The following ITSN1 variants were observed in gnomAD, a reference collection of about 807,000 sequenced individuals.
The protein encoded by ITSN1 is intersectin-1.
Under a neutral mutation model 239.8 loss-of-function variants are expected in ITSN1, and 58 were observed. The observed-to-expected ratio is 0.24, with a 90% CI of 0.20 to 0.30. The LOEUF is 0.30. ITSN1 is among the 10% of genes least tolerant of loss of function. ITSN1 has a pLI of 1.00. For missense variants in ITSN1, 1,558 were observed against 2,103.3 expected, an observed-to-expected ratio of 0.74 and a Z score of 5.07; for synonymous variants, 780 against 770.8, an observed-to-expected ratio of 1.01 and a Z score of -0.20.
At chr21:33,655,055 GTTA>G (rs2088921896) in intron 1 of ITSN1, among the ~76,000 whole-genome samples, 1 of 146,958 alleles carries the variant, frequency 6.8e-6, no homozygotes, top group Non-Finnish European at 1.5e-5. Flanking sequence ...TTGTGAATTT[GTTA>G]TTATTTTCTC....
intron 1 of ITSN1, among the ~76,000 whole-genome samples, chr21:33,670,540 A>G (rs987613104): frequency 6.6e-6 from 1 of 151,874 alleles, no homozygotes; most frequent in East Asian, 1.9e-4. Flanking sequence ...GCCATCGTTC[A>G]CTTATGTGTT....
intron 16 of ITSN1, among the ~76,000 whole-genome samples, chr21:33,791,509 T>C (rs1225176832): frequency 2.0e-5 from 3 of 152,358 alleles, no homozygotes; most frequent in East Asian, 3.8e-4. Flanking sequence ...TTAAAAATTA[T>C]TTTTGAAACT....
At chr21:33,667,547 C>T (rs556024394) in intron 1 of ITSN1, among the ~76,000 whole-genome samples, 2 of 152,120 alleles carry the variant, frequency 1.3e-5, no homozygotes, top group South Asian at 2.1e-4. Context: ...TTTTGGGATG[C>T]GGTAGGTTTC....
intron 7 of ITSN1, among the ~76,000 whole-genome samples, 158 bp downstream of exon 7, chr21:33,752,064 T>G (rs2067591567): frequency 6.6e-6 from 1 of 152,132 alleles, no homozygotes; most frequent in Non-Finnish European, 1.5e-5. Flanking sequence ...TTCTGGATAG[T>G]GTCACTAGTT....
At chr21:33,661,301 CATT>C (rs2089536740) in intron 1 of ITSN1, among the ~76,000 whole-genome samples, 1 of 151,950 alleles carries the variant, frequency 6.6e-6, no homozygotes, top group African/African-American at 2.4e-5. Context: ...TTTTCTTGGA[CATT>C]GTTGTTTGGT....
Position 33,669,586 on chromosome 21 carries a change from T to C in ITSN1, c.-33+26873T>C, listed in dbSNP as rs1299429935. 1.3e-5 allele frequency among the ~76,000 whole-genome samples: 2 copies of C among 152,040 alleles called. 1 individual carries two copies. The highest frequency in any genetic ancestry group is 2.9e-5 in the Non-Finnish European group (2 of 68,006). On this transcript the variant is annotated intron_variant, in intron 1 of 39. Coordinates refer to ENST00000381318, the MANE Select transcript of ITSN1 (RefSeq NM_003024.3). ...GCCCGATTAGCTGGAATTACAGGCA[T>C]GCGCCACCAAGCCCAGCTAATTTAT...
At chr21:33,866,868 C>T (rs1392073556) in intron 32 of ITSN1, among the ~76,000 whole-genome samples, 1 of 152,148 alleles carries the variant, frequency 6.6e-6, no homozygotes, top group African/African-American at 2.4e-5. Flanking sequence ...ACCGTATAGT[C>T]TTGTGACTCT....
In ITSN1 at chr21:33,825,836, C is replaced by A. The variant is rs1166040850; in HGVS notation, c.3184-982C>A. Reference sequence around the variant, plus strand: ...GAGTAAAAATTTAACCCGAACTTTTCCTGGTAAATGTTTCTTAAATTTCAA... The same window carrying A: ...GAGTAAAAATTTAACCCGAACTTTTACTGGTAAATGTTTCTTAAATTTCAA... On this transcript the variant is annotated intron_variant, in intron 25 of 39. Transcript: ENST00000381318. 2.6e-5 allele frequency among the ~76,000 whole-genome samples: 4 copies of A among 152,088 alleles called. No individual in the cohort carries two copies. The East Asian group carries it at 7.7e-4, about 29-fold the overall frequency.
chr21:33,838,443 A>T lies in ITSN1; in HGVS notation c.3661+1811A>T. On this transcript the variant is annotated intron_variant, in intron 29 of 39. Transcript: ENST00000381318. ...AACCTGCGGCTTTAACAACTGTAAT[A>T]CAACCTTTTGAATTAGTTCCGTGTA... The T allele has an allele frequency of 7.1e-6, 7 of 982,504 alleles. No homozygotes were observed. In the South Asian group the frequency reaches 2.8e-4, roughly 40 times the overall value. 60.9% of individuals were successfully genotyped at this position (982,504 alleles called of 1,614,324 possible).
Position 33,654,367 on chromosome 21 carries a change from A to C in ITSN1, c.-33+11654A>C, listed in dbSNP as rs11911254. Among the ~76,000 whole-genome samples the C allele has an allele frequency of 5.5e-3, 829 of 151,794 alleles. 7 individuals are homozygous for C. Among genetic ancestry groups the C allele is most frequent in the African/African-American group, 0.019 (795 of 41,362 alleles). On this transcript the variant is annotated intron_variant, in intron 1 of 39. Transcript: ENST00000381318. ...CGCTGCACCTGGCCTTTGATTTTTT[A>C]AATTCACTTTAATTATCTTAAGTTC...
intron 8 of ITSN1, among the ~76,000 whole-genome samples, chr21:33,756,064 C>T (rs891203036): frequency 3.3e-5 from 5 of 152,020 alleles, no homozygotes; most frequent in East Asian, 1.9e-4. Flanking sequence ...AATCCCAGCC[C>T]TTTGGGAGGC....
chr21:33,731,253 T>G (rs2066167134), intron 4 of ITSN1, among the ~76,000 whole-genome samples: 2 of 152,152 alleles, frequency 1.3e-5, no homozygotes, highest in African/African-American at 4.8e-5. Context: ...ACCTACTCAT[T>G]ATCCCACACT....
At chr21:33,652,602 C>T (rs1477964093) in intron 1 of ITSN1, among the ~76,000 whole-genome samples, 6 of 152,226 alleles carry the variant, frequency 3.9e-5, no homozygotes, top group East Asian at 3.9e-4. Context: ...TGCAGCATAC[C>T]GCTCTCAGAT....
intron 8 of ITSN1, among the ~76,000 whole-genome samples, chr21:33,761,171 G>T (rs1439150843): frequency 3.3e-5 from 5 of 152,008 alleles, no homozygotes; most frequent in Admixed American, 2.6e-4. Flanking sequence ...CGCCTCTGGG[G>T]CTCAAGCGAT....
intron 8 of ITSN1, among the ~76,000 whole-genome samples, chr21:33,760,657 T>C (rs1319500801): frequency 6.6e-6 from 1 of 152,218 alleles, no homozygotes; most frequent in African/African-American, 2.4e-5. Flanking sequence ...GACTAGAGCC[T>C]ACAGCTCCTT....
At chr21:33,842,432 A>G (rs1223064653) in intron 29 of ITSN1, among the ~76,000 whole-genome samples, 2 of 152,160 alleles carry the variant, frequency 1.3e-5, no homozygotes, top group Non-Finnish European at 2.9e-5. Flanking sequence ...CGTGCAACTT[A>G]ATGTTGGGCA....
At position 33,735,115 on chromosome 21, in the gene ITSN1, A is replaced by G. The variant is rs1433950863; in HGVS notation, c.257A>G (p.Lys86Arg). 8 of 1,613,880 alleles carry G rather than the reference A, an allele frequency of 5.0e-6. No individual in the cohort carries two copies. The highest frequency in any genetic ancestry group is 4.5e-5 in the East Asian group (2 of 44,892). Reference protein sequence around the residue: ...VEFSIAMKLIKLKLQGYQLPS... With the variant: ...VEFSIAMKLIRLKLQGYQLPS... ...TTTTCCATAGCTATGAAACTTATCA[A>G]ACTGAAGCTACAAGGATATCAGCTA... Residue 86 changes from lysine (K) to arginine (R), a missense_variant, in exon 5 of 40, where the codon AAA (lysine) becomes AGA (arginine). Lys to Arg is a conservative substitution (Grantham distance 26). This residue lies in a region of ITSN1 where 982 missense variants were observed against 1,209.9 expected (regional missense o/e 0.81). Coordinates refer to ENST00000381318, the MANE Select transcript of ITSN1 (RefSeq NM_003024.3).
intron 17 of ITSN1, 97 bp downstream of exon 17, chr21:33,794,565 G>C: frequency 6.8e-7 from 1 of 1,477,780 alleles, no homozygotes; most frequent in Non-Finnish European, 9.1e-7. Context: ...ACCAGAAAGA[G>C]CCTTCAGTCT....
chr21:33,661,456 GTGTT>G (rs941110994), intron 1 of ITSN1, among the ~76,000 whole-genome samples: 1 of 151,600 alleles, frequency 6.6e-6, no homozygotes, highest in African/African-American at 2.4e-5. Flanking sequence ...TTTTATGTGA[GTGTT>G]TGGCAGTGAA....
Sources: gnomAD v4.1 joint callset for allele counts (sites outside exome capture counted in the v4.1 genomes callset) on GRCh38, gnomAD v4.1.1 for gene constraint, gnomAD v4.1.1 regional missense constraint, MANE v1.5 for transcripts, NCBI Gene and HGNC (gene_info 2026-07-23, HGNC 2026-07-21) for gene names.